The following PDE10A variants were observed in gnomAD, a reference collection of about 807,000 sequenced individuals.
The protein encoded by PDE10A is phosphodiesterase 10A.
In PDE10A, 39 loss-of-function variants were observed where a neutral mutation model predicts 97.7. The observed-to-expected ratio is 0.40, with a 90% CI of 0.31 to 0.52. The LOEUF is 0.52. Ranked by LOEUF, PDE10A falls within the 20% of genes least tolerant of loss-of-function variation. PDE10A has a pLI of 0.56. For synonymous variants in PDE10A, 371 were observed against 376.8 expected (o/e 0.98, Z 0.18); for missense variants, 731 against 1,047.8 (o/e 0.70, Z 4.17).
chr6:165,571,667 C>T (rs1304585429), intron 1 of PDE10A, among the ~76,000 whole-genome samples: 2 of 152,168 alleles, frequency 1.3e-5, no homozygotes, highest in South Asian at 2.1e-4. Flanking sequence ...ACTGAGTTTG[C>T]TTTTAAAAAG....
At chr6:165,503,616 A>G (rs1042774181) in intron 2 of PDE10A, among the ~76,000 whole-genome samples, 2 of 152,162 alleles carry the variant, frequency 1.3e-5, no homozygotes, top group Admixed American at 6.5e-5. Context: ...CTTCACTACT[A>G]TGATGTTCCC....
At chr6:165,908,995 C>T (rs1215732185) in intron 1 of PDE10A, 2 of 152,136 alleles carry the variant, frequency 1.3e-5, no homozygotes, top group African/African-American at 4.8e-5. Context: ...TGGGTTGATC[C>T]AGTGGACACA....
At chr6:165,877,576 C>T (rs1397885130) in intron 1 of PDE10A, among the ~76,000 whole-genome samples, 1 of 152,078 alleles carries the variant, frequency 6.6e-6, no homozygotes, top group Non-Finnish European at 1.5e-5. Context: ...GCGTGTACAG[C>T]ATGGTGTTTT....
intron 13 of PDE10A, among the ~76,000 whole-genome samples, chr6:165,399,430 T>C (rs1388546648): frequency 6.6e-6 from 1 of 152,214 alleles, no homozygotes; most frequent in Non-Finnish European, 1.5e-5. Context: ...CAATACTTAT[T>C]ATAAAGGTTT....
chr6:165,792,558 T>G (rs554387939), intron 1 of PDE10A, among the ~76,000 whole-genome samples: 1 of 152,224 alleles, frequency 6.6e-6, no homozygotes, highest in South Asian at 2.1e-4. Flanking sequence ...ACCTTTTTTC[T>G]TTCCAGTCTC....
At chr6:165,580,121 T>C (rs891414520) in intron 1 of PDE10A, among the ~76,000 whole-genome samples, 1 of 152,240 alleles carries the variant, frequency 6.6e-6, no homozygotes, top group South Asian at 2.1e-4. Context: ...TTTTGTTCAC[T>C]GATATATCAC....
At chr6:165,428,925 T>G (rs1475319799) in intron 9 of PDE10A, among the ~76,000 whole-genome samples, 1 of 152,084 alleles carries the variant, frequency 6.6e-6, no homozygotes, top group Non-Finnish European at 1.5e-5. Flanking sequence ...GCATGAGGGC[T>G]CTATAATTCC....
At chr6:165,773,773 T>C (rs780105617) in intron 1 of PDE10A, among the ~76,000 whole-genome samples, 2 of 152,146 alleles carry the variant, frequency 1.3e-5, no homozygotes, top group East Asian at 1.9e-4. Flanking sequence ...AAAATGGCTG[T>C]CAGTGTGATG....
chr6:165,749,900 A>G (rs1011118632), intron 1 of PDE10A, among the ~76,000 whole-genome samples: 3 of 152,238 alleles, frequency 2.0e-5, no homozygotes, highest in African/African-American at 7.2e-5. Context: ...ACATGGAGTA[A>G]CTTTTCTCTC....
At chr6:165,834,544 G>C (rs1178010030) in intron 1 of PDE10A, among the ~76,000 whole-genome samples, 2 of 152,164 alleles carry the variant, frequency 1.3e-5, no homozygotes, top group African/African-American at 4.8e-5. Context: ...GAGCAGCAGG[G>C]GCTTGGAAGG....
At chr6:165,434,973 A>G (rs1789891356) in intron 6 of PDE10A, among the ~76,000 whole-genome samples, 1 of 152,214 alleles carries the variant, frequency 6.6e-6, no homozygotes, top group African/African-American at 2.4e-5. Context: ...TTTAGTTTAC[A>G]TTCATATGAA....
At position 165,585,883 on chromosome 6, in the gene PDE10A, C is replaced by T. The variant is rs543574545; in HGVS notation, c.866-42315G>A. ...AGGCATGAGAGTGAGGCAGCAGTCGCATCCAACATCCCCCCCTTGCGCTAA... is the reference window on the plus strand; with the variant it reads ...AGGCATGAGAGTGAGGCAGCAGTCGTATCCAACATCCCCCCCTTGCGCTAA... On this transcript the variant is annotated intron_variant, in intron 1 of 21. Transcript: ENST00000539869. Among the ~76,000 whole-genome samples, 21 of 152,280 alleles carry T rather than the reference C, an allele frequency of 1.4e-4. 2 individuals carry two copies. The South Asian group carries it at 3.7e-3, about 27-fold the overall frequency.
chr6:165,745,171 G>A (rs890467820), intron 1 of PDE10A, among the ~76,000 whole-genome samples: 1 of 152,142 alleles, frequency 6.6e-6, no homozygotes, highest in Non-Finnish European at 1.5e-5. Flanking sequence ...GGGGCTCAGA[G>A]CTGTGGAAAC....
chr6:165,778,786 A>G (rs2128461234), intron 1 of PDE10A, among the ~76,000 whole-genome samples: 1 of 152,070 alleles, frequency 6.6e-6, no homozygotes, highest in Admixed American at 6.5e-5. Context: ...ATTTCCACTG[A>G]CCACTGGAGT....
At chr6:165,525,134 C>G (rs1029846995) in intron 2 of PDE10A, among the ~76,000 whole-genome samples, 3 of 152,154 alleles carry the variant, frequency 2.0e-5, no homozygotes, top group Non-Finnish European at 2.9e-5. Flanking sequence ...TCCCGGCGAG[C>G]CCCTAGAGGT....
chr6:165,448,791 C>T (rs1791055458), intron 5 of PDE10A, 137 bp downstream of exon 5: 1 of 569,912 alleles, frequency 1.8e-6, no homozygotes, highest in Non-Finnish European at 3.0e-6. Flanking sequence ...CTGGTAATAA[C>T]CAAATATAGA....
At chr6:165,361,572 G>A (rs1337493417) in intron 18 of PDE10A, among the ~76,000 whole-genome samples, 1 of 152,182 alleles carries the variant, frequency 6.6e-6, no homozygotes, top group Non-Finnish European at 1.5e-5. Context: ...TTGGAAAAGT[G>A]TGGGCCCTTA....
chr6:165,404,356 G>T (rs981364881), intron 13 of PDE10A, among the ~76,000 whole-genome samples: 5 of 152,046 alleles, frequency 3.3e-5, no homozygotes, highest in Admixed American at 2.6e-4. Flanking sequence ...TGCATGAGGA[G>T]AGGAGCTGAA....
chr6:165,446,305 A>G (rs2128246907), intron 5 of PDE10A, among the ~76,000 whole-genome samples: 1 of 152,320 alleles, frequency 6.6e-6, no homozygotes, highest in East Asian at 1.9e-4. Flanking sequence ...TTTCAGATGG[A>G]AGAAAAATGA....
Sources: gnomAD v4.1 joint callset for allele counts (sites outside exome capture counted in the v4.1 genomes callset) on GRCh38, gnomAD v4.1.1 for gene constraint, MANE v1.5 for transcripts, NCBI Gene and HGNC (gene_info 2026-07-23, HGNC 2026-07-21) for gene names.